SLC26A8: variants seen among roughly 807,000 people sequenced by gnomAD.
SLC26A8 encodes testis anion transporter 1.
In SLC26A8, 70 loss-of-function variants were observed where a neutral mutation model predicts 105.0. That is an observed-to-expected ratio of 0.67 (90% CI 0.55 to 0.81). SLC26A8 has a LOEUF of 0.81. SLC26A8 is among the 40% of genes least tolerant of loss of function. The pLI is 0.00. For synonymous variants in SLC26A8, 415 were observed against 438.3 expected, an observed-to-expected ratio of 0.95 and a Z score of 0.66; for missense variants, 998 against 1,181.8, an observed-to-expected ratio of 0.84 and a Z score of 2.28.
chr6:36,012,930 G>T (rs1382304376), intron 2 of SLC26A8, among the ~76,000 whole-genome samples: 8 of 152,138 alleles, frequency 5.3e-5, no homozygotes, highest in Non-Finnish European at 1.5e-5. Flanking sequence ...TGCGAGGCAG[G>T]TGCATAAAGT....
chr6:35,971,780 A>G (rs1043107618), intron 10 of SLC26A8, among the ~76,000 whole-genome samples: 3 of 152,200 alleles, frequency 2.0e-5, no homozygotes. Flanking sequence ...AAAGAATGCA[A>G]TGCATTCATT....
At chr6:35,975,342 A>G in intron 10 of SLC26A8, 33 bp downstream of exon 10, 1 of 1,228,000 alleles carries the variant, frequency 8.1e-7, no homozygotes, top group South Asian at 1.2e-5. Context: ...GAATATGTTT[A>G]TGTATTAGAG....
chr6:35,973,939 T>A (rs999205844), intron 10 of SLC26A8, among the ~76,000 whole-genome samples: 1 of 152,204 alleles, frequency 6.6e-6, no homozygotes, highest in African/African-American at 2.4e-5. Flanking sequence ...TTCCGATAGC[T>A]CTCTGACATT....
At chr6:35,974,906 GTT>G (rs77148160) in intron 10 of SLC26A8, among the ~76,000 whole-genome samples, 1 of 141,100 alleles carries the variant, frequency 7.1e-6, no homozygotes, top group Non-Finnish European at 1.6e-5. Context: ...CCAGCTAATT[GTT>G]TTTTTTTTTT....
At chr6:35,946,096 C>T (rs922629759) in intron 19 of SLC26A8, among the ~76,000 whole-genome samples, 2 of 152,096 alleles carry the variant, frequency 1.3e-5, no homozygotes, top group Admixed American at 6.6e-5. Flanking sequence ...TTATTTTGGG[C>T]CCATAATTTT....
chr6:35,974,460 T>C (rs575948216), intron 10 of SLC26A8, among the ~76,000 whole-genome samples: 1 of 152,356 alleles, frequency 6.6e-6, no homozygotes, highest in South Asian at 2.1e-4. Context: ...AACATTTAGT[T>C]TACTGACTCA....
In SLC26A8 at chr6:35,951,513, G is replaced by A. The variant is rs1771873044; in HGVS notation, c.2233-14C>T. 1.2e-6 allele frequency: 2 copies of A among 1,614,028 alleles called. No individual in the cohort carries two copies. The highest frequency in any genetic ancestry group is 1.7e-6 in the Non-Finnish European group (2 of 1,179,962). ...GGCATTGCATATCTGTGGGGGGAGAGAAAACCAGTATCAGAAGGCTTTATA... is the reference window on the plus strand; with the variant it reads ...GGCATTGCATATCTGTGGGGGGAGAAAAAACCAGTATCAGAAGGCTTTATA... On this transcript the variant is annotated splice_polypyrimidine_tract_variant and intron_variant, in intron 17 of 19. Transcript: ENST00000490799.
At chr6:35,946,408 C>T (rs1446984577) in intron 19 of SLC26A8, among the ~76,000 whole-genome samples, 1 of 151,914 alleles carries the variant, frequency 6.6e-6, no homozygotes, top group African/African-American at 2.4e-5. Context: ...GACTAATTTT[C>T]GTATTTTTAG....
At position 35,944,270 on chromosome 6, in the gene SLC26A8, A is replaced by T; in HGVS notation, c.2543T>A (p.Ile848Asn). The T allele has an allele frequency of 6.2e-7, 1 of 1,614,126 alleles. No individual in the cohort carries two copies. ...GSQKNVSPGF[I>N]KIQQPVEEES... Reference sequence around the variant, plus strand: ...CTCTTCTACAGGCTGTTGGATCTTGATGAAGCCTGGACTTACATTTTTTTG... The same window carrying T: ...CTCTTCTACAGGCTGTTGGATCTTGTTGAAGCCTGGACTTACATTTTTTTG... The change falls in exon 20 of 20, where the codon ATC becomes AAC. Residue 848 changes from isoleucine to asparagine, a missense_variant. Ile to Asn is a moderately radical substitution (Grantham distance 149, BLOSUM62 -3). Coordinates refer to ENST00000490799, the MANE Select transcript of SLC26A8 (RefSeq NM_052961.4).
rs145874408 is a variant in SLC26A8, at chr6:36,009,353, A to AAAC, written c.328+2877_328+2879dup. On this transcript the variant is annotated intron_variant, in intron 3 of 19. Transcript: ENST00000490799. ...GTGACAGAGTGAGACTGCCTCTCAA[A>AAAC]AACAACAACAACAACAACAACAACA... Among the ~76,000 whole-genome samples the AAAC allele has an allele frequency of 4.9e-3, 729 of 149,360 alleles. 1 individual carries two copies. Among genetic ancestry groups the AAAC allele is most frequent in the Middle Eastern group, 6.9e-3 (2 of 288 alleles).
At chr6:35,945,752 T>C (rs1346314078) in intron 19 of SLC26A8, among the ~76,000 whole-genome samples, 1 of 152,220 alleles carries the variant, frequency 6.6e-6, no homozygotes, top group African/African-American at 2.4e-5. Context: ...TACTAGACTC[T>C]AAGCTCCTTG....
At chr6:35,945,876 C>T (rs1260498505) in intron 19 of SLC26A8, among the ~76,000 whole-genome samples, 1 of 152,172 alleles carries the variant, frequency 6.6e-6, no homozygotes, top group African/African-American at 2.4e-5. Context: ...AACAGCATTC[C>T]TCAAAATTAA....
At position 36,002,852 on chromosome 6, in the gene SLC26A8, C is replaced by T. The variant is rs571264720; in HGVS notation, c.329-2744G>A. ...CTGAGTAGCTGGGACTATAGGCGCA[C>T]GCCACCATGCCCGGCTAATTTTTGT... On this transcript the variant is annotated intron_variant, in intron 3 of 19. Coordinates refer to ENST00000490799, the MANE Select transcript of SLC26A8 (RefSeq NM_052961.4). Among the ~76,000 whole-genome samples, 8 of 152,026 alleles carry T rather than the reference C, an allele frequency of 5.3e-5. No individual in the cohort carries two copies. The South Asian group carries it at 1.5e-3, about 28-fold the overall frequency.
chr6:35,958,102 A>G (rs1020684687), intron 16 of SLC26A8, among the ~76,000 whole-genome samples: 2 of 152,178 alleles, frequency 1.3e-5, no homozygotes, highest in Non-Finnish European at 2.9e-5. Flanking sequence ...CCCAACTTCA[A>G]TCTAAAATTC....
At chr6:35,978,110 C>T (rs2127325592) in intron 8 of SLC26A8, among the ~76,000 whole-genome samples, 1 of 142,796 alleles carries the variant, frequency 7.0e-6, no homozygotes, top group Middle Eastern at 3.5e-3. Flanking sequence ...ATTCAATATA[C>T]TCTGACACCA....
Position 36,003,450 on chromosome 6 carries a change from GTAAT to G in SLC26A8, c.329-3346_329-3343del, listed in dbSNP as rs1471565932. ...TCTAATTACTTTAGTAATAGTTTTG[GTAAT>G]TAATTTAGTAATCTCCATTTTTATT... On this transcript the variant is annotated intron_variant, in intron 3 of 19. Transcript: ENST00000490799. Among the ~76,000 whole-genome samples, 5 of 152,126 alleles carry G rather than the reference GTAAT, an allele frequency of 3.3e-5. No individual in the cohort carries two copies. The East Asian group carries it at 5.8e-4, about 18-fold the overall frequency.
intron 5 of SLC26A8, among the ~76,000 whole-genome samples, chr6:35,993,225 G>A (rs1257790452): frequency 1.4e-5 from 2 of 141,226 alleles, no homozygotes; most frequent in Admixed American, 1.5e-4. Flanking sequence ...GGCTGGTCTC[G>A]AACTCCTGAC....
In SLC26A8 at chr6:35,944,532, AT is replaced by A. The variant is rs1434206751; in HGVS notation, c.2473-193del. On this transcript the variant is annotated intron_variant, in intron 19 of 19. Transcript: ENST00000490799. ...ACAAATAATAATAATAATTATAATT[AT>A]TATATAATAATAATAATTATTATTA... Among the ~76,000 whole-genome samples, 5 of 147,738 alleles carry A rather than the reference AT, an allele frequency of 3.4e-5. No individual in the cohort carries two copies. In the South Asian group the frequency reaches 8.4e-4, roughly 25 times the overall value.
At chr6:35,944,820 T>C (rs938816634) in intron 19 of SLC26A8, among the ~76,000 whole-genome samples, 4 of 152,050 alleles carry the variant, frequency 2.6e-5, no homozygotes, top group African/African-American at 9.7e-5. Flanking sequence ...GAGTAGAAAA[T>C]ATTTCTTGCC....
Sources: allele counts gnomAD v4.1 joint callset (sites outside exome capture counted in the v4.1 genomes callset), GRCh38; gene constraint gnomAD v4.1.1; transcripts MANE v1.5; gene names NCBI Gene and HGNC (gene_info 2026-07-23, HGNC 2026-07-21).